LOC128125818: variants seen among roughly 807,000 people sequenced by gnomAD.
At chr4:6,065,335 C>A in the LOC128125818 span, among the ~76,000 whole-genome samples, 1 of 152,200 alleles carries the variant, frequency 6.6e-6, no homozygotes, top group Non-Finnish European at 1.5e-5. The surrounding 1 kb of genome is among the most constrained non-coding windows in gnomAD (Gnocchi z 5.1). Context: ...AGCCACCTCA[C>A]CTGTGAGCAC....
At chr4:6,067,764 T>C in the LOC128125818 span, among the ~76,000 whole-genome samples, 1 of 138,002 alleles carries the variant, frequency 7.2e-6, no homozygotes, top group Non-Finnish European at 1.5e-5. This position sits in a 1 kb window ranked among gnomAD's most constrained non-coding sequence, Gnocchi z 4.6. Flanking sequence ...GTCACCCCCC[T>C]GAGCTCCACG....
the LOC128125818 span, among the ~76,000 whole-genome samples, chr4:6,069,274 C>G: frequency 6.6e-6 from 1 of 152,330 alleles, no homozygotes; most frequent in South Asian, 2.1e-4. This position sits in a 1 kb window ranked among gnomAD's most constrained non-coding sequence, Gnocchi z 4.5. Flanking sequence ...TGTCTCCACT[C>G]TTCTAAGAGT....
chr4:6,069,502 A>C, the LOC128125818 span, among the ~76,000 whole-genome samples: 1 of 152,194 alleles, frequency 6.6e-6, no homozygotes, highest in Admixed American at 6.5e-5. This position sits in a 1 kb window ranked among gnomAD's most constrained non-coding sequence, Gnocchi z 4.5. Context: ...TAATCCCAGC[A>C]CTTTGGGAGG....
chr4:6,067,774 G>A, the LOC128125818 span, among the ~76,000 whole-genome samples: 5 of 134,302 alleles, frequency 3.7e-5, no homozygotes, highest in South Asian at 2.5e-4. The surrounding 1 kb of genome is among the most constrained non-coding windows in gnomAD (Gnocchi z 4.6). Flanking sequence ...TGAGCTCCAC[G>A]TTCACTCAAG....
the LOC128125818 span, among the ~76,000 whole-genome samples, chr4:6,067,797 C>T: frequency 3.4e-5 from 5 of 145,816 alleles, no homozygotes; most frequent in East Asian, 6.2e-4. The surrounding 1 kb of genome is among the most constrained non-coding windows in gnomAD (Gnocchi z 4.6). Flanking sequence ...CTTCTGCACA[C>T]GCAGGTCACC....
At chr4:6,066,012 C>G in the LOC128125818 span, among the ~76,000 whole-genome samples, 1 of 151,940 alleles carries the variant, frequency 6.6e-6, no homozygotes, top group Non-Finnish European at 1.5e-5. Context: ...TTTTCCCAAA[C>G]AGCCCCCGAC....
chr4:6,070,136 G>C, the LOC128125818 span: 1 of 398,868 alleles, frequency 2.5e-6, no homozygotes, highest in Non-Finnish European at 4.4e-6. Flanking sequence ...AGAAAGAGAA[G>C]TACAGCACAA....
chr4:6,065,155 A>G, the LOC128125818 span: 1 of 998,506 alleles, frequency 1.0e-6, no homozygotes, highest in African/African-American at 1.6e-5. This position sits in a 1 kb window ranked among gnomAD's most constrained non-coding sequence, Gnocchi z 5.1. Context: ...TGGGCTTCGT[A>G]ACTGACTGGG....
the LOC128125818 span, chr4:6,070,031 C>G: frequency 2.5e-6 from 1 of 398,682 alleles, no homozygotes; most frequent in Non-Finnish European, 4.4e-6. Flanking sequence ...AACCTCAAAA[C>G]GCAAAACCCC....
the LOC128125818 span, among the ~76,000 whole-genome samples, chr4:6,066,757 G>C: frequency 6.6e-6 from 1 of 151,938 alleles, no homozygotes; most frequent in African/African-American, 2.4e-5. Flanking sequence ...CCTTCATCTT[G>C]GTCCCAGCCA....
At chr4:6,068,197 A>G in the LOC128125818 span, among the ~76,000 whole-genome samples, 2 of 152,356 alleles carry the variant, frequency 1.3e-5, no homozygotes, top group Admixed American at 6.5e-5. Flanking sequence ...CAGGACTGCT[A>G]GTTAAGGACT....
the LOC128125818 span, among the ~76,000 whole-genome samples, chr4:6,065,402 C>T: frequency 6.6e-6 from 1 of 152,252 alleles, no homozygotes; most frequent in Admixed American, 6.5e-5. The surrounding 1 kb of genome is among the most constrained non-coding windows in gnomAD (Gnocchi z 5.1). Flanking sequence ...CCGTCACGCT[C>T]CATGAGCAGC....
At chr4:6,067,124 C>T in the LOC128125818 span, among the ~76,000 whole-genome samples, 4 of 152,202 alleles carry the variant, frequency 2.6e-5, no homozygotes, top group South Asian at 2.1e-4. The surrounding 1 kb of genome is among the most constrained non-coding windows in gnomAD (Gnocchi z 4.6). Flanking sequence ...TCCCCGCTGA[C>T]GTAAGATCTG....
At chr4:6,069,335 T>C in the LOC128125818 span, among the ~76,000 whole-genome samples, 1 of 152,234 alleles carries the variant, frequency 6.6e-6, no homozygotes, top group African/African-American at 2.4e-5. The surrounding 1 kb of genome is among the most constrained non-coding windows in gnomAD (Gnocchi z 4.5). Context: ...ATGTCCACCA[T>C]TTGCTCATTC....
chr4:6,068,470 G>A, the LOC128125818 span, among the ~76,000 whole-genome samples: 4 of 152,040 alleles, frequency 2.6e-5, no homozygotes, highest in Non-Finnish European at 5.9e-5. Context: ...GCCAGGCACG[G>A]CACACACAGA....
At chr4:6,069,816 T>C in the LOC128125818 span, among the ~76,000 whole-genome samples, 10 of 151,728 alleles carry the variant, frequency 6.6e-5, no homozygotes, top group Non-Finnish European at 1.5e-4. The surrounding 1 kb of genome is among the most constrained non-coding windows in gnomAD (Gnocchi z 4.5). Context: ...GTCTCCTCCA[T>C]TTACACTTTG....
chr4:6,065,449 AG>A, the LOC128125818 span, among the ~76,000 whole-genome samples: 35 of 152,218 alleles, frequency 2.3e-4, no homozygotes, highest in African/African-American at 8.2e-4. The surrounding 1 kb of genome is among the most constrained non-coding windows in gnomAD (Gnocchi z 5.1). Flanking sequence ...GACAGGGTCC[AG>A]GGAGATGCTC....
chr4:6,067,709 AC>A, the LOC128125818 span, among the ~76,000 whole-genome samples: 22 of 117,094 alleles, frequency 1.9e-4, no homozygotes, highest in East Asian at 4.8e-4. This position sits in a 1 kb window ranked among gnomAD's most constrained non-coding sequence, Gnocchi z 4.6. Flanking sequence ...CACACAGGTC[AC>A]CCCCCTGAGC....
the LOC128125818 span, among the ~76,000 whole-genome samples, chr4:6,066,896 C>T: frequency 6.6e-6 from 1 of 152,076 alleles, no homozygotes; most frequent in East Asian, 1.9e-4. Flanking sequence ...TCCTCCGCTC[C>T]AGGCTTCTGC....
Sources: gnomAD v4.1 joint callset for allele counts (sites outside exome capture counted in the v4.1 genomes callset) on GRCh38, gnomAD v4.1.1 for gene constraint, Gnocchi (gnomAD v3.1) non-coding constraint, MANE v1.5 for transcripts.